Variants in FGF10 observed in about 807,000 individuals in gnomAD.
FGF10 encodes fibroblast growth factor 10, also known as FGF-10.
A neutral mutation model predicts 19.8 loss-of-function variants in FGF10; 2 were observed. The observed-to-expected ratio is 0.10, with a 90% CI of 0.04 to 0.32. The LOEUF (loss-of-function observed/expected upper bound fraction) is 0.32. Ranked by LOEUF, FGF10 falls within the 10% of genes least tolerant of loss-of-function variation. The pLI, the probability that FGF10 is intolerant of heterozygous loss-of-function variation, is 1.00. For synonymous variants in FGF10, 112 were observed against 94.0 expected, an observed-to-expected ratio of 1.19 and a Z score of -1.10; for missense variants, 191 against 246.3, an observed-to-expected ratio of 0.78 and a Z score of 1.50.
intron 1 of FGF10, among the ~76,000 whole-genome samples, chr5:44,348,935 A>G (rs1206317818): frequency 1.3e-5 from 2 of 151,372 alleles, no homozygotes; most frequent in Admixed American, 6.6e-5. Flanking sequence ...TTCATTTTCT[A>G]TGACTCTTCT....
At chr5:44,350,354 C>T (rs529289660) in intron 1 of FGF10, among the ~76,000 whole-genome samples, 4 of 150,576 alleles carry the variant, frequency 2.7e-5, no homozygotes, top group Non-Finnish European at 5.9e-5. Flanking sequence ...ATGATGTCTC[C>T]TCAGATTATC....
At chr5:44,327,657 A>G (rs1438364918) in intron 1 of FGF10, among the ~76,000 whole-genome samples, 1 of 152,188 alleles carries the variant, frequency 6.6e-6, no homozygotes, top group Non-Finnish European at 1.5e-5. Context: ...CTGACATGGT[A>G]GGATATCCTA....
chr5:44,371,603 A>C (rs544643196), intron 1 of FGF10, among the ~76,000 whole-genome samples: 19 of 152,276 alleles, frequency 1.2e-4, no homozygotes, highest in African/African-American at 4.3e-4. Context: ...TGTATCGCCC[A>C]AAGGAAAAAC....
At chr5:44,310,375 C>T (rs1468303724) in intron 2 of FGF10, 52 bp downstream of exon 2, 1 of 1,307,508 alleles carries the variant, frequency 7.6e-7, no homozygotes, top group Non-Finnish European at 1.1e-6. Flanking sequence ...CTTTCCAAAA[C>T]TATGGTAATG....
Position 44,355,377 on chromosome 5 carries a change from C to A in FGF10, c.325+32981G>T, listed in dbSNP as rs371855504. Among the ~76,000 whole-genome samples the A allele has an allele frequency of 2.5e-3, 379 of 151,252 alleles. 2 individuals are homozygous for A. Among genetic ancestry groups the A allele is most frequent in the African/African-American group, 8.7e-3 (359 of 41,346 alleles). On this transcript the variant is annotated intron_variant, in intron 1 of 2. Transcript: ENST00000264664. ...TTGTAGACATGATAAAAGAACAGATCAAACACAAAGAGAAAACAGTATAAG... is the reference window on the plus strand; with the variant it reads ...TTGTAGACATGATAAAAGAACAGATAAAACACAAAGAGAAAACAGTATAAG...
At chr5:44,322,246 C>T (rs1393646454) in intron 1 of FGF10, among the ~76,000 whole-genome samples, 1 of 152,190 alleles carries the variant, frequency 6.6e-6, no homozygotes, top group East Asian at 1.9e-4. Context: ...ACCTAGTCAA[C>T]AAACTCAATC....
At chr5:44,357,334 C>T (rs904555309) in intron 1 of FGF10, among the ~76,000 whole-genome samples, 3 of 151,302 alleles carry the variant, frequency 2.0e-5, no homozygotes, top group African/African-American at 7.3e-5. Flanking sequence ...GGGCTAAGAG[C>T]AAGAAGTTAT....
chr5:44,350,305 G>A (rs1741203485), intron 1 of FGF10, among the ~76,000 whole-genome samples: 1 of 150,602 alleles, frequency 6.6e-6, no homozygotes, highest in South Asian at 2.1e-4. Flanking sequence ...GTATCCATGA[G>A]AAAAGCCTAA....
chr5:44,330,096 C>G (rs561162473), intron 1 of FGF10, among the ~76,000 whole-genome samples: 83 of 152,260 alleles, frequency 5.5e-4, no homozygotes, highest in South Asian at 2.3e-3. Context: ...CCAATACTTA[C>G]TCAAAAACAG....
At chr5:44,359,267 G>A (rs950875064) in intron 1 of FGF10, among the ~76,000 whole-genome samples, 1 of 151,468 alleles carries the variant, frequency 6.6e-6, no homozygotes, top group African/African-American at 2.4e-5. Context: ...GATTTTGGAA[G>A]AAAAAGTTAT....
intron 1 of FGF10, among the ~76,000 whole-genome samples, chr5:44,364,871 C>T (rs1288881582): frequency 6.6e-6 from 1 of 151,780 alleles, no homozygotes; most frequent in Non-Finnish European, 1.5e-5. Flanking sequence ...GTGGTTTTCA[C>T]ATAGAATATG....
intron 1 of FGF10, among the ~76,000 whole-genome samples, chr5:44,346,115 A>G (rs943695283): frequency 6.6e-6 from 1 of 151,698 alleles, no homozygotes; most frequent in Non-Finnish European, 1.5e-5. Flanking sequence ...TCCTTGTCCC[A>G]CAGCCTTAAT....
chr5:44,321,288 G>C (rs1468929622), intron 1 of FGF10, among the ~76,000 whole-genome samples: 1 of 152,190 alleles, frequency 6.6e-6, no homozygotes, highest in Non-Finnish European at 1.5e-5. Flanking sequence ...ACAATTGTTA[G>C]AGAGGACTAA....
chr5:44,332,212 A>T (rs1488545734), intron 1 of FGF10, among the ~76,000 whole-genome samples: 1 of 152,098 alleles, frequency 6.6e-6, no homozygotes, highest in Non-Finnish European at 1.5e-5. Context: ...AAGCTGTATG[A>T]ATTTGAAACA....
intron 1 of FGF10, among the ~76,000 whole-genome samples, chr5:44,376,791 C>T (rs1001042470): frequency 6.6e-6 from 1 of 151,632 alleles, no homozygotes; most frequent in African/African-American, 2.4e-5. Flanking sequence ...TTTCTTGCTA[C>T]TTACTATATT....
intron 1 of FGF10, among the ~76,000 whole-genome samples, chr5:44,362,282 T>C (rs1200716929): frequency 1.3e-5 from 2 of 151,708 alleles, no homozygotes; most frequent in African/African-American, 4.8e-5. Context: ...CCATATATCT[T>C]TTATCCTTTG....
At chr5:44,321,825 G>A (rs1384287051) in intron 1 of FGF10, among the ~76,000 whole-genome samples, 1 of 152,066 alleles carries the variant, frequency 6.6e-6, no homozygotes, top group Non-Finnish European at 1.5e-5. Flanking sequence ...GCAGTGGCAC[G>A]ATCTCAGTTC....
chr5:44,300,401 A>C lies in FGF10; in HGVS notation c.*4594T>G, dbSNP rs1739945503. ...TAACATCATATTGTGATACAGGTTG[A>C]AGTAGGAGGACCAGCTTTTTATTCA... On this transcript the variant is annotated 3_prime_UTR_variant, in exon 3 of 3. Coordinates refer to ENST00000264664, the MANE Select transcript of FGF10 (RefSeq NM_004465.2). Among the ~76,000 whole-genome samples the C allele has an allele frequency of 1.3e-5, 2 of 152,162 alleles. No individual in the cohort carries two copies. Among genetic ancestry groups the C allele is most frequent in the South Asian group, 4.1e-4 (2 of 4,828 alleles).
chr5:44,382,369 A>T (rs1286432282), intron 1 of FGF10, among the ~76,000 whole-genome samples: 2 of 152,200 alleles, frequency 1.3e-5, no homozygotes, highest in Admixed American at 1.3e-4. Flanking sequence ...CTATTTGTGT[A>T]AAATCTATAC....
Sources: allele counts gnomAD v4.1 joint callset (sites outside exome capture counted in the v4.1 genomes callset), GRCh38; gene constraint gnomAD v4.1.1; transcripts MANE v1.5; gene names NCBI Gene and HGNC (gene_info 2026-07-23, HGNC 2026-07-21).